LRGUK: variants seen among roughly 807,000 people sequenced by gnomAD.
The protein encoded by LRGUK is leucine rich repeats and guanylate kinase domain containing, also known as leucine-rich repeat and guanylate kinase domain-containing protein.
A neutral mutation model predicts 76.0 loss-of-function variants in LRGUK; 65 were observed. The ratio of observed to expected loss-of-function variants is 0.85; its 90% confidence interval spans 0.70 to 1.05. LRGUK has a LOEUF of 1.05. Ranked by LOEUF, LRGUK falls within the 50% of genes least tolerant of loss-of-function variation. The pLI, the probability that LRGUK is intolerant of heterozygous loss-of-function variation, is 0.00. For synonymous variants in LRGUK, 268 were observed against 265.6 expected, an observed-to-expected ratio of 1.01 and a Z score of -0.09; for missense variants, 758 against 732.8, an observed-to-expected ratio of 1.03 and a Z score of -0.40.
chr7:134,206,888 T>C (rs1289838128), intron 15 of LRGUK, among the ~76,000 whole-genome samples: 2 of 152,202 alleles, frequency 1.3e-5, no homozygotes, highest in African/African-American at 2.4e-5. Context: ...ATCTGACTAA[T>C]GGTAGAAAGA....
downstream of LRGUK, chr7:134,210,344 C>A: frequency 5.0e-6 from 2 of 398,374 alleles, no homozygotes; most frequent in Non-Finnish European, 8.8e-6. Context: ...AGCCGCCCCA[C>A]GCCGAGCCAT....
intron 15 of LRGUK, among the ~76,000 whole-genome samples, chr7:134,206,125 G>A (rs915881781): frequency 2.0e-5 from 3 of 152,182 alleles, no homozygotes; most frequent in Non-Finnish European, 4.4e-5. Flanking sequence ...TCACTAATGG[G>A]TGGATTAATT....
chr7:134,247,550 A>G lies in LRGUK; in HGVS notation c.1984-6A>G. 6.2e-7 allele frequency: 1 copy of G among 1,601,518 alleles called. No homozygotes were observed. The highest frequency in any genetic ancestry group is 1.1e-5 in the South Asian group (1 of 90,396). On this transcript the variant is annotated splice_region_variant and splice_polypyrimidine_tract_variant and intron_variant, in intron 16 of 19. Transcript: ENST00000285928. ...ATGCAATTTTCTAATGACATTTCTT[A>G]CCTAGGAAAGAGATTCTATACACAG...
At chr7:134,202,724 A>C (rs1800827849) in intron 15 of LRGUK, among the ~76,000 whole-genome samples, 1 of 152,230 alleles carries the variant, frequency 6.6e-6, no homozygotes, top group South Asian at 2.1e-4. Flanking sequence ...ATTCCACTAC[A>C]TGAGGTATCT....
In LRGUK at chr7:134,174,326, A is replaced by G. The variant is rs149839249; in HGVS notation, c.940-230A>G. On this transcript the variant is annotated intron_variant, in intron 7 of 15. Coordinates refer to ENST00000645682, the Ensembl canonical transcript of LRGUK. ...AAGAGGAGGAAACTTACTGTTCCCT[A>G]GCTAGAGAAGAAGAAAGAAAACGTG... Among the ~76,000 whole-genome samples the G allele has an allele frequency of 2.0e-3, 306 of 152,284 alleles. 2 individuals are homozygous for G. Among genetic ancestry groups the G allele is most frequent in the African/African-American group, 7.0e-3 (292 of 41,542 alleles).
chr7:134,275,312 C>G, the LRGUK span, among the ~76,000 whole-genome samples: 1 of 151,888 alleles, frequency 6.6e-6, no homozygotes, highest in African/African-American at 2.4e-5. Context: ...TGTTTACTAC[C>G]AATTGTTTTA....
rs541185173 is a variant in LRGUK, at chr7:134,134,362, G to A, written c.298-2661G>A. ...TGGAGCTGCGGCAGTAAAGAATTGT[G>A]CATGTGTGCATGTGCTGGCAATAGG... On this transcript the variant is annotated intron_variant, in intron 1 of 15. Transcript: ENST00000645682. Among the ~76,000 whole-genome samples the A allele has an allele frequency of 4.9e-4, 74 of 152,312 alleles. 1 individual carries two copies. The highest frequency in any genetic ancestry group is 1.2e-3 in the Admixed American group (19 of 15,294).
At chr7:134,193,892 G>T (rs374757902) in intron 12 of LRGUK, among the ~76,000 whole-genome samples, 29 of 152,028 alleles carry the variant, frequency 1.9e-4, no homozygotes, top group African/African-American at 7.0e-4. Flanking sequence ...ACACCTTTCT[G>T]CTCTGACACG....
At chr7:134,265,503 A>G (rs1420616141), downstream of LRGUK, among the ~76,000 whole-genome samples, 1 of 152,196 alleles carries the variant, frequency 6.6e-6, no homozygotes, top group Non-Finnish European at 1.5e-5. Flanking sequence ...CATCAACAAA[A>G]GCCCCAGCGA....
intron 7 of LRGUK, among the ~76,000 whole-genome samples, chr7:134,169,727 G>A (rs2116961369): frequency 6.6e-6 from 1 of 152,172 alleles, no homozygotes; most frequent in Non-Finnish European, 1.5e-5. Flanking sequence ...TCAGAATTCT[G>A]ATTAATACTT....
At chr7:134,167,710 G>A (rs2164469) in intron 7 of LRGUK, among the ~76,000 whole-genome samples, 19,997 of 152,098 alleles carry the variant, frequency 0.13, 1,666 homozygotes, top group East Asian at 0.32. Flanking sequence ...CAGATCCAGC[G>A]TATTTCCACC....
At chr7:134,211,390 A>G (rs190215488), downstream of LRGUK, among the ~76,000 whole-genome samples, 2 of 152,354 alleles carry the variant, frequency 1.3e-5, no homozygotes, top group African/African-American at 2.4e-5. Context: ...AGACTTCTAG[A>G]AAATTCTCTC....
At chr7:134,258,341 G>A (rs763301629) in exon 19 of LRGUK, 3 of 1,614,086 alleles carry the variant, frequency 1.9e-6, no homozygotes, top group Non-Finnish European at 2.5e-6. Context: ...AGCCTCCGGA[G>A]GGGAGCATTT....
intron 16 of LRGUK, among the ~76,000 whole-genome samples, chr7:134,242,533 A>G (rs1310390105): frequency 1.3e-5 from 2 of 152,212 alleles, no homozygotes; most frequent in Admixed American, 6.5e-5. Context: ...TAGACCAATA[A>G]CAGATTCTGA....
At chr7:134,172,960 A>G (rs796722863) in intron 7 of LRGUK, among the ~76,000 whole-genome samples, 2 of 152,210 alleles carry the variant, frequency 1.3e-5, no homozygotes, top group East Asian at 3.9e-4. Context: ...GCACCCCAGC[A>G]TGGGTGACAG....
intron 15 of LRGUK, among the ~76,000 whole-genome samples, chr7:134,220,464 C>T (rs1801560813): frequency 6.6e-6 from 1 of 152,142 alleles, no homozygotes; most frequent in Admixed American, 6.5e-5. Context: ...GTGTTTCTAT[C>T]GTCTGGTTAG....
intron 16 of LRGUK, among the ~76,000 whole-genome samples, chr7:134,223,525 A>C (rs1801656299): frequency 6.6e-6 from 1 of 152,220 alleles, no homozygotes; most frequent in Non-Finnish European, 1.5e-5. Flanking sequence ...AAAATCAATG[A>C]AATCTGGAAT....
intron 5 of LRGUK, among the ~76,000 whole-genome samples, chr7:134,155,688 A>T (rs1256607209): frequency 6.6e-6 from 1 of 152,124 alleles, no homozygotes; most frequent in African/African-American, 2.4e-5. Context: ...TATAATTGTG[A>T]GGTGATTTAT....
chr7:134,171,834 CAGAGA>C (rs1318840925), intron 7 of LRGUK, among the ~76,000 whole-genome samples: 1 of 152,074 alleles, frequency 6.6e-6, no homozygotes, highest in Admixed American at 6.6e-5. Context: ...GTGGCCTTTG[CAGAGA>C]AAAGATGTGA....
Sources: gnomAD v4.1 joint callset for allele counts (sites outside exome capture counted in the v4.1 genomes callset) on GRCh38, gnomAD v4.1.1 for gene constraint, MANE v1.5 for transcripts, NCBI Gene and HGNC (gene_info 2026-07-23, HGNC 2026-07-21) for gene names.